The following KDM4C variants were observed in gnomAD, a reference collection of about 807,000 sequenced individuals.
KDM4C encodes lysine demethylase 4C.
In KDM4C, 81 loss-of-function variants were observed where a neutral mutation model predicts 129.3. The observed-to-expected ratio is 0.63, with a 90% CI of 0.52 to 0.75. The LOEUF is 0.75. Ranked by LOEUF, KDM4C falls within the 30% of genes least tolerant of loss-of-function variation. KDM4C has a pLI of 0.00. For missense variants in KDM4C, 1,457 were observed against 1,304.0 expected, an observed-to-expected ratio of 1.12 and a Z score of -1.81; for synonymous variants, 573 against 456.1, an observed-to-expected ratio of 1.26 and a Z score of -3.26.
Position 6,748,978 on chromosome 9 carries a change from C to T in KDM4C, c.49+27981C>T, listed in dbSNP as rs1171639902. On this transcript the variant is annotated intron_variant, in intron 1 of 17. Coordinates refer to the KDM4C transcript ENST00000536108. ...ACTTTCTGGCCCTGGCCACTGTATG[C>T]CATGGTGGAATTTCACAAAGAGCAC... is the stretch of plus-strand genomic sequence containing the variant. The T allele has an allele frequency of 4.8e-6, 4 of 830,468 alleles. No individual in the cohort carries two copies. In the African/African-American group the frequency reaches 5.0e-5, roughly 10 times the overall value. 51.4% of individuals were successfully genotyped at this position (830,468 alleles called of 1,614,324 possible).
At chr9:7,067,293 G>T (rs1222894937) in intron 17 of KDM4C, among the ~76,000 whole-genome samples, 1 of 152,222 alleles carries the variant, frequency 6.6e-6, no homozygotes, top group Admixed American at 6.5e-5. Context: ...TCCTATAGCT[G>T]TGGTGCATAA....
At chr9:6,949,394 C>T (rs563660882) in intron 8 of KDM4C, among the ~76,000 whole-genome samples, 3 of 150,418 alleles carry the variant, frequency 2.0e-5, no homozygotes, top group South Asian at 2.1e-4. Flanking sequence ...ACATCCCAGA[C>T]GATGAGTGGC....
chr9:6,811,709 A>G (rs1358620812), intron 3 of KDM4C, among the ~76,000 whole-genome samples: 1 of 152,112 alleles, frequency 6.6e-6, no homozygotes, highest in African/African-American at 2.4e-5. Flanking sequence ...TTTTATCCCT[A>G]TTTTTTAGAA....
chr9:6,923,637 AGAGTCTTGTG>A (rs1821950352), intron 8 of KDM4C, among the ~76,000 whole-genome samples: 1 of 152,242 alleles, frequency 6.6e-6, no homozygotes, highest in South Asian at 2.1e-4. Context: ...CAAGTTCTTC[AGAGTCTTGTG>A]GGGTTTGACA....
chr9:6,951,729 T>A (rs1589276944), intron 8 of KDM4C, among the ~76,000 whole-genome samples: 1 of 152,240 alleles, frequency 6.6e-6, no homozygotes, highest in Admixed American at 6.5e-5. Flanking sequence ...TTGTCCTATT[T>A]CATGCATTTA....
intron 1 of KDM4C, among the ~76,000 whole-genome samples, chr9:6,761,056 C>G (rs1819393350): frequency 6.8e-6 from 1 of 147,098 alleles, no homozygotes; most frequent in African/African-American, 2.5e-5. Flanking sequence ...TGGAGTCTCA[C>G]TCTGTGCCAA....
intron 19 of KDM4C, among the ~76,000 whole-genome samples, chr9:7,130,089 C>G (rs550625889): frequency 1.3e-5 from 2 of 152,330 alleles, no homozygotes; most frequent in South Asian, 2.1e-4. Flanking sequence ...CCTGGACTTT[C>G]ACCAGCCCTG....
intron 18 of KDM4C, among the ~76,000 whole-genome samples, chr9:7,108,834 G>A (rs1837997722): frequency 6.6e-6 from 1 of 152,152 alleles, no homozygotes; most frequent in African/African-American, 2.4e-5. Context: ...TAGAATAGTA[G>A]TTCTTATCCT....
rs115329867 is a variant in KDM4C at position 7,046,450 on chromosome 9, A to G, written c.2260-412A>G. Among the ~76,000 whole-genome samples, 640 of 152,072 alleles carry G rather than the reference A, an allele frequency of 4.2e-3. 3 individuals carry two copies. The highest frequency in any genetic ancestry group is 0.014 in the African/African-American group (590 of 41,506). ...CCTGCCCAGACTCCATTCATTAGCC[A>G]CCCTGTATCCAGGAGTGAATTCCCA... On this transcript the variant is annotated intron_variant, in intron 15 of 21. Transcript: ENST00000381309.
At chr9:6,932,637 G>A (rs1013289027) in intron 8 of KDM4C, among the ~76,000 whole-genome samples, 11 of 152,124 alleles carry the variant, frequency 7.2e-5, no homozygotes, top group Admixed American at 6.5e-4. Context: ...GTCTCCCCCT[G>A]GTGCACAGCC....
chr9:6,793,066 C>G lies in KDM4C; in HGVS notation c.78C>G (p.Phe26Leu). 6.2e-7 allele frequency: 1 copy of G among 1,614,050 alleles called. No individual in the cohort carries two copies. The highest frequency in any genetic ancestry group is 8.5e-7 in the Non-Finnish European group (1 of 1,179,994). Residue 26 changes from phenylalanine to leucine, a missense_variant, in exon 2 of 22, where the codon TTC (phenylalanine) becomes TTG (leucine). Physicochemically the swap from Phe to Leu is conservative, Grantham distance 22 (BLOSUM62 0). Coordinates refer to ENST00000381309, the MANE Select transcript of KDM4C (RefSeq NM_015061.6). ...CCTTCAGACCCTCCATGGAGGAGTTCCGGGAGTTCAACAAATACCTTGCAT... is the reference window on the plus strand; with the variant it reads ...CCTTCAGACCCTCCATGGAGGAGTTGCGGGAGTTCAACAAATACCTTGCAT... ...IMTFRPSMEE[F>L]REFNKYLAYM...
intron 8 of KDM4C, among the ~76,000 whole-genome samples, chr9:6,941,972 C>G (rs77413565): frequency 6.6e-6 from 1 of 152,266 alleles, no homozygotes; most frequent in East Asian, 1.9e-4. Flanking sequence ...CAAGATTTCA[C>G]ATAACCATAT....
chr9:6,797,825 T>C (rs1272001556), intron 2 of KDM4C, among the ~76,000 whole-genome samples: 1 of 152,244 alleles, frequency 6.6e-6, no homozygotes, highest in South Asian at 2.1e-4. Context: ...ATGCACATTT[T>C]AGCAGAAAGT....
At chr9:6,934,237 T>G (rs1034064630) in intron 8 of KDM4C, among the ~76,000 whole-genome samples, 3 of 151,792 alleles carry the variant, frequency 2.0e-5, no homozygotes, top group African/African-American at 7.2e-5. Flanking sequence ...ATCCTATCAC[T>G]TTGGGAGGCG....
intron 17 of KDM4C, among the ~76,000 whole-genome samples, chr9:7,090,140 G>T (rs1370372962): frequency 2.6e-5 from 4 of 152,208 alleles, no homozygotes; most frequent in Non-Finnish European, 5.9e-5. Flanking sequence ...CAGCCTTAAG[G>T]TAGATGAAAA....
chr9:6,784,190 T>C (rs925100356), intron 1 of KDM4C, among the ~76,000 whole-genome samples: 1 of 152,146 alleles, frequency 6.6e-6, no homozygotes, highest in African/African-American at 2.4e-5. Flanking sequence ...TTACCCCATT[T>C]TACTGATGGG....
At chr9:6,835,972 AT>A (rs904007994) in intron 4 of KDM4C, among the ~76,000 whole-genome samples, 1 of 152,020 alleles carries the variant, frequency 6.6e-6, no homozygotes, top group East Asian at 1.9e-4. Context: ...GGTAATGCAA[AT>A]TTTTTTAAAT....
chr9:6,760,172 A>G (rs892263002), intron 1 of KDM4C, among the ~76,000 whole-genome samples: 1 of 151,730 alleles, frequency 6.6e-6, no homozygotes, highest in African/African-American at 2.4e-5. Flanking sequence ...AGATTTGGCT[A>G]TTCTGGACAT....
intron 15 of KDM4C, among the ~76,000 whole-genome samples, chr9:7,024,502 G>A (rs2381534): frequency 1.4e-5 from 2 of 144,492 alleles, no homozygotes; most frequent in African/African-American, 2.6e-5. Flanking sequence ...CCCCACAACA[G>A]TCCCTGGAGT....
Sources: gnomAD v4.1 joint callset for allele counts (sites outside exome capture counted in the v4.1 genomes callset) on GRCh38, gnomAD v4.1.1 for gene constraint, MANE v1.5 for transcripts, NCBI Gene and HGNC (gene_info 2026-07-23, HGNC 2026-07-21) for gene names.